Variants in SRRM3 observed in about 807,000 individuals in gnomAD.
SRRM3 encodes the protein serine/arginine repetitive matrix 3.
SRRM3 carries 27 observed loss-of-function variants against 66.2 expected under a neutral mutation model. The ratio of observed to expected loss-of-function variants is 0.41; its 90% confidence interval spans 0.30 to 0.56. SRRM3 has a LOEUF of 0.56. Ranked by LOEUF, SRRM3 falls within the 20% of genes least tolerant of loss-of-function variation. The probability of loss-of-function intolerance (pLI) is 0.32; values close to 1 mark genes in which losing one functional copy is unlikely to be tolerated. For synonymous variants in SRRM3, 391 were observed against 414.9 expected, an observed-to-expected ratio of 0.94 and a Z score of 0.70; for missense variants, 918 against 991.9, an observed-to-expected ratio of 0.93 and a Z score of 1.00.
At chr7:76,227,096 T>C (rs1471562930) in intron 1 of SRRM3, among the ~76,000 whole-genome samples, 1 of 137,126 alleles carries the variant, frequency 7.3e-6, no homozygotes, top group Non-Finnish European at 1.6e-5. Context: ...AGACTTCCCA[T>C]GTGCTGCTCT....
intron 11 of SRRM3, among the ~76,000 whole-genome samples, chr7:76,272,008 G>C (rs73373446): frequency 0.1 from 15,819 of 152,152 alleles, 1,904 homozygotes; most frequent in African/African-American, 0.29. Context: ...AGAGAGGGAA[G>C]AGAGTCACTC....
At chr7:76,217,387 C>T (rs1277421291) in intron 1 of SRRM3, among the ~76,000 whole-genome samples, 3 of 152,118 alleles carry the variant, frequency 2.0e-5, no homozygotes, top group African/African-American at 4.8e-5. Flanking sequence ...CAAGTTCAAG[C>T]GATTCTCCTG....
At chr7:76,205,817 T>G (rs1337783462) in intron 1 of SRRM3, among the ~76,000 whole-genome samples, 1 of 152,228 alleles carries the variant, frequency 6.6e-6, no homozygotes, top group Non-Finnish European at 1.5e-5. Context: ...GACCCAAGTC[T>G]GTAAGTGACT....
At chr7:76,240,314 T>A (rs1198118132) in intron 2 of SRRM3, among the ~76,000 whole-genome samples, 5 of 151,952 alleles carry the variant, frequency 3.3e-5, no homozygotes, top group Non-Finnish European at 2.9e-5. Flanking sequence ...CAAGACTCCA[T>A]TTCTACTTTT....
chr7:76,267,148 A>G (rs6955911), intron 10 of SRRM3, 110 bp from the exon 11 acceptor site: 278,619 of 1,030,224 alleles, frequency 0.27, 43,108 homozygotes, highest in East Asian at 0.62. Context: ...AGGCAGGTGG[A>G]GGGCTGCTCT....
At chr7:76,219,896 C>A (rs1800666582) in intron 1 of SRRM3, among the ~76,000 whole-genome samples, 1 of 152,088 alleles carries the variant, frequency 6.6e-6, no homozygotes, top group South Asian at 2.1e-4. Context: ...GACAACACAG[C>A]GAGATACTGT....
intron 1 of SRRM3, among the ~76,000 whole-genome samples, chr7:76,211,465 G>A (rs1446471158): frequency 3.9e-5 from 6 of 152,068 alleles, no homozygotes; most frequent in South Asian, 2.1e-4. Context: ...CCTTTTTTCC[G>A]TAGACAGCAG....
intron 11 of SRRM3, among the ~76,000 whole-genome samples, chr7:76,272,589 T>C (rs1802240439): frequency 6.6e-6 from 1 of 151,170 alleles, no homozygotes; most frequent in Non-Finnish European, 1.5e-5. Context: ...GAGGCAGAGG[T>C]TGCAGTAAGT....
Position 76,234,194 on chromosome 7 carries a change from A to AGTGTGTGTGT in SRRM3, c.-39-813_-39-804dup, listed in dbSNP as rs58369922. 2.1e-3 allele frequency among the ~76,000 whole-genome samples: 296 copies of AGTGTGTGTGT among 141,158 alleles called. 1 individual carries two copies. Among genetic ancestry groups the AGTGTGTGTGT allele is most frequent in the African/African-American group, 6.7e-3 (260 of 38,770 alleles). The allele number at this position is 141,158 out of a possible 152,430, so 92.6% of individuals were successfully genotyped here. A position where few individuals can be genotyped will look rare whatever the true frequency, so the allele number is the denominator to read the frequency against. On this transcript the variant is annotated intron_variant, in intron 1 of 14. Transcript: ENST00000611745. ...CCTCTGTTAAGATAGAAGTCCTTGG[A>AGTGTGTGTGT]GTGTGTGTGTGTGTGTGTGTGTGTG...
At chr7:76,216,930 T>C (rs1398045219) in intron 1 of SRRM3, among the ~76,000 whole-genome samples, 1 of 152,150 alleles carries the variant, frequency 6.6e-6, no homozygotes, top group East Asian at 1.9e-4. Flanking sequence ...AGCAGAAACC[T>C]GAGGGGATGC....
At chr7:76,247,188 T>C (rs1801463125) in intron 2 of SRRM3, among the ~76,000 whole-genome samples, 1 of 151,964 alleles carries the variant, frequency 6.6e-6, no homozygotes, top group Non-Finnish European at 1.5e-5. Context: ...AAGGAGTAGA[T>C]AACCGGACTT....
At chr7:76,249,561 A>C (rs868986726) in intron 3 of SRRM3, among the ~76,000 whole-genome samples, 3 of 152,230 alleles carry the variant, frequency 2.0e-5, no homozygotes, top group Non-Finnish European at 2.9e-5. Flanking sequence ...AAACCATACA[A>C]ACACTGGAGG....
Position 76,231,934 on chromosome 7 carries a change from G to C in SRRM3, c.-39-3094G>C, listed in dbSNP as rs565657251. Among the ~76,000 whole-genome samples the C allele has an allele frequency of 3.3e-5, 5 of 152,318 alleles. No homozygotes were observed. In the East Asian group the frequency reaches 9.6e-4, roughly 29 times the overall value. On this transcript the variant is annotated intron_variant, in intron 1 of 14. Transcript: ENST00000611745. ...GGCAAAGGCACAAAGGAGGAAGTAA[G>C]GGCATGCATTTGGGGGATGAGGACC...
chr7:76,274,778 C>T (rs782627394), intron 11 of SRRM3, among the ~76,000 whole-genome samples: 2 of 152,204 alleles, frequency 1.3e-5, no homozygotes, highest in Non-Finnish European at 2.9e-5. Context: ...GCCCTTTAAA[C>T]TGTTTCCTTT....
intron 8 of SRRM3, among the ~76,000 whole-genome samples, chr7:76,264,248 C>A (rs1357258378): frequency 1.3e-5 from 2 of 150,468 alleles, no homozygotes; most frequent in Non-Finnish European, 2.9e-5. Flanking sequence ...GCTTACGCAA[C>A]CTCCGCCTCC....
Position 76,235,066 on chromosome 7 carries a change from G to A in SRRM3, c.-1G>A, listed in dbSNP as rs2116995746. 5 of 1,569,824 alleles carry A rather than the reference G, an allele frequency of 3.2e-6. No homozygotes were observed. The highest frequency in any genetic ancestry group is 3.4e-6 in the Non-Finnish European group (4 of 1,162,826). On this transcript the variant is annotated 5_prime_UTR_variant, in exon 2 of 15. Transcript: ENST00000611745. ...GGCCAGCGGCTCCAGGGCCAGCCAC[G>A]ATGTCCTCCACCGTGAACAACGGGG...
At chr7:76,225,881 G>A (rs1554603698) in intron 1 of SRRM3, among the ~76,000 whole-genome samples, 1 of 152,184 alleles carries the variant, frequency 6.6e-6, no homozygotes, top group Non-Finnish European at 1.5e-5. Context: ...CTGAGACCCA[G>A]AGAGTTGAAG....
chr7:76,278,999 T>C (rs1457005943), intron 11 of SRRM3, among the ~76,000 whole-genome samples: 1 of 152,080 alleles, frequency 6.6e-6, no homozygotes, highest in Non-Finnish European at 1.5e-5. Context: ...TCGCCTGTAA[T>C]CCCAGCACTT....
At position 76,266,311 on chromosome 7, in the gene SRRM3, CATATTTTAATATAAATATTAAT is replaced by C. The variant is rs1316124012; in HGVS notation, c.830+848_830+869del. Among the ~76,000 whole-genome samples, 3 of 107,242 alleles carry C rather than the reference CATATTTTAATATAAATATTAAT, an allele frequency of 2.8e-5. No homozygotes were observed. The East Asian group carries it at 7.3e-4, about 26-fold the overall frequency. 70.4% of individuals were successfully genotyped at this position (107,242 alleles called of 152,430 possible). ...TTTATATATTTAATATAAATATTAA[CATATTTTAATATAAATATTAAT>C]ATATATTTCAATATAAATATTAATG... On this transcript the variant is annotated intron_variant, in intron 10 of 14. Coordinates refer to ENST00000611745, the MANE Select transcript of SRRM3 (RefSeq NM_001110199.3).
Sources: allele counts gnomAD v4.1 joint callset (sites outside exome capture counted in the v4.1 genomes callset), GRCh38; gene constraint gnomAD v4.1.1; transcripts MANE v1.5; gene names NCBI Gene and HGNC (gene_info 2026-07-23, HGNC 2026-07-21).